The following CUX2 variants were observed in gnomAD, a reference collection of about 807,000 sequenced individuals.
The protein encoded by CUX2 is homeobox protein cut-like 2.
CUX2 carries 40 observed loss-of-function variants against 144.8 expected under a neutral mutation model. The observed-to-expected ratio is 0.28, with a 90% CI of 0.21 to 0.36. The LOEUF (loss-of-function observed/expected upper bound fraction) is 0.36. Ranked by LOEUF, CUX2 falls within the 10% of genes least tolerant of loss-of-function variation. The probability of loss-of-function intolerance (pLI) is 1.00; values close to 1 mark genes in which losing one functional copy is unlikely to be tolerated. For synonymous variants in CUX2, 827 were observed against 875.6 expected, an observed-to-expected ratio of 0.94 and a Z score of 0.98; for missense variants, 1,615 against 1,994.0, an observed-to-expected ratio of 0.81 and a Z score of 3.62.
intron 16 of CUX2, among the ~76,000 whole-genome samples, chr12:111,318,919 C>A (rs1887352259): frequency 6.6e-6 from 1 of 152,126 alleles, no homozygotes; most frequent in Non-Finnish European, 1.5e-5. Flanking sequence ...ACTGCCTCAG[C>A]CTCCCAAAGT....
chr12:111,090,633 C>T (rs1007195958), intron 1 of CUX2, among the ~76,000 whole-genome samples: 4 of 152,118 alleles, frequency 2.6e-5, no homozygotes, highest in African/African-American at 9.7e-5. Context: ...CCCCATCTCT[C>T]GGCATCCTTT....
intron 3 of CUX2, among the ~76,000 whole-genome samples, chr12:111,259,864 A>G (rs1235465669): frequency 1.3e-5 from 2 of 151,834 alleles, no homozygotes; most frequent in African/African-American, 4.8e-5. Context: ...ATTTAGCCTG[A>G]TATGTTCATA....
At chr12:111,285,883 G>A (rs554843698) in intron 4 of CUX2, among the ~76,000 whole-genome samples, 4 of 152,362 alleles carry the variant, frequency 2.6e-5, no homozygotes, top group Non-Finnish European at 5.9e-5. Context: ...GCAGCACAGT[G>A]TGAGAGGAAG....
At position 111,312,277 on chromosome 12, in the gene CUX2, T is replaced by C; in HGVS notation, c.2002+76T>C. The C allele has an allele frequency of 7.6e-7, 1 of 1,312,106 alleles. No individual in the cohort carries two copies. The highest frequency in any genetic ancestry group is 1.1e-6 in the Non-Finnish European group (1 of 940,348). The allele number at this position is 1,312,106 out of a possible 1,614,324, so 81.3% of individuals were successfully genotyped here. A position where few individuals can be genotyped will look rare whatever the true frequency, so the allele number is the denominator to read the frequency against. ...AACAGGAGATGAGGCTTCGTCTACC[T>C]TTGTCCACCCCAGAGGGAATCCAAG... is the stretch of plus-strand genomic sequence containing the variant. On this transcript the variant is annotated intron_variant, in intron 16 of 21. Coordinates refer to ENST00000261726, the MANE Select transcript of CUX2 (RefSeq NM_015267.4). This position sits in a 1 kb window ranked among gnomAD's most constrained non-coding sequence, Gnocchi z 4.3.
chr12:111,284,813 C>T (rs900405965), intron 4 of CUX2, among the ~76,000 whole-genome samples: 6 of 152,184 alleles, frequency 3.9e-5, no homozygotes, highest in Non-Finnish European at 7.3e-5. Context: ...CTGGTCTCTT[C>T]GCCAACCTCT....
chr12:111,278,854 A>G (rs998037089), intron 4 of CUX2, among the ~76,000 whole-genome samples: 2 of 152,196 alleles, frequency 1.3e-5, no homozygotes, highest in Non-Finnish European at 2.9e-5. Context: ...AGGTTTGCCA[A>G]GCTGCCCGGC....
intron 3 of CUX2, among the ~76,000 whole-genome samples, chr12:111,248,645 C>T (rs959997889): frequency 3.9e-5 from 6 of 152,066 alleles, no homozygotes; most frequent in Non-Finnish European, 7.4e-5. Context: ...AAGGGGGTGT[C>T]GGTCTAGGCC....
chr12:111,283,511 G>A (rs1432393082), intron 4 of CUX2, among the ~76,000 whole-genome samples: 1 of 152,120 alleles, frequency 6.6e-6, no homozygotes, highest in Non-Finnish European at 1.5e-5. Context: ...CAGATGACGG[G>A]CACTGAAGCG....
chr12:111,223,876 T>G (rs1333240584), intron 3 of CUX2, among the ~76,000 whole-genome samples: 1 of 152,144 alleles, frequency 6.6e-6, no homozygotes, highest in Non-Finnish European at 1.5e-5. Flanking sequence ...CTTTCAAATG[T>G]CAGGTCCTGG....
At chr12:111,265,303 A>T (rs1884326172) in intron 4 of CUX2, among the ~76,000 whole-genome samples, 1 of 147,136 alleles carries the variant, frequency 6.8e-6, no homozygotes, top group African/African-American at 2.6e-5. Flanking sequence ...ATTTTATTTT[A>T]TTTTATTTTT....
chr12:111,216,435 C>T (rs1282477698), intron 2 of CUX2, among the ~76,000 whole-genome samples: 5 of 152,198 alleles, frequency 3.3e-5, no homozygotes, highest in African/African-American at 7.2e-5. Context: ...TAAAGTCTTT[C>T]GAACTTTACG....
At chr12:111,260,450 C>T (rs1030448908) in intron 3 of CUX2, among the ~76,000 whole-genome samples, 3 of 151,320 alleles carry the variant, frequency 2.0e-5, no homozygotes, top group Non-Finnish European at 2.9e-5. Context: ...GGCTACAGAG[C>T]GAGACTCTGT....
chr12:111,228,249 C>T (rs988093314), intron 3 of CUX2, among the ~76,000 whole-genome samples: 2 of 152,166 alleles, frequency 1.3e-5, no homozygotes, highest in African/African-American at 4.8e-5. Flanking sequence ...TGGAACCAGA[C>T]TGCCTGGGTT....
intron 2 of CUX2, 80 bp downstream of exon 2, chr12:111,214,390 T>C: frequency 1.3e-6 from 1 of 785,772 alleles, no homozygotes; most frequent in Admixed American, 2.9e-5. Flanking sequence ...TTGAAAACTG[T>C]AGATGCAAGT....
chr12:111,107,088 T>C (rs1264947450), intron 1 of CUX2, among the ~76,000 whole-genome samples: 1 of 152,238 alleles, frequency 6.6e-6, no homozygotes, highest in African/African-American at 2.4e-5. Flanking sequence ...CGTTAACTTA[T>C]ACCATCTCAT....
At chr12:111,082,130 A>G (rs971481422) in intron 1 of CUX2, among the ~76,000 whole-genome samples, 11 of 152,326 alleles carry the variant, frequency 7.2e-5, no homozygotes, top group African/African-American at 2.2e-4. Context: ...TCAACCTTCT[A>G]CAAAAGGACA....
At chr12:111,291,377 C>T (rs1359659164) in intron 4 of CUX2, 41 bp from the exon 5 acceptor site, 2 of 1,559,148 alleles carry the variant, frequency 1.3e-6, no homozygotes, top group Admixed American at 1.9e-5. Flanking sequence ...TGTCCCTATC[C>T]ATCAGGCCCT....
intron 4 of CUX2, among the ~76,000 whole-genome samples, chr12:111,288,065 G>T (rs912710328): frequency 1.1e-4 from 16 of 152,312 alleles, no homozygotes; most frequent in Admixed American, 2.6e-4. Context: ...TGAAGGAAAG[G>T]TGTAGGCAGT....
chr12:111,140,875 C>T (rs1321391343), intron 1 of CUX2, among the ~76,000 whole-genome samples: 2 of 152,206 alleles, frequency 1.3e-5, no homozygotes, highest in Non-Finnish European at 1.5e-5. Context: ...TTCCTTGGCT[C>T]AGTGTTCCCA....
Sources: allele counts gnomAD v4.1 joint callset (sites outside exome capture counted in the v4.1 genomes callset), GRCh38; gene constraint gnomAD v4.1.1; non-coding constraint Gnocchi (gnomAD v3.1); transcripts MANE v1.5; gene names NCBI Gene and HGNC (gene_info 2026-07-23, HGNC 2026-07-21).